Variants in SLC25A36 observed in about 807,000 individuals in gnomAD.
SLC25A36 encodes the protein solute carrier family 25 member 36, also known as epididymis secretory sperm binding protein.
In SLC25A36, 24 loss-of-function variants were observed where a neutral mutation model predicts 35.3. That is an observed-to-expected ratio of 0.68 (90% CI 0.49 to 0.96). The LOEUF (loss-of-function observed/expected upper bound fraction) is 0.96, where lower values mean the gene tolerates loss of function less well. SLC25A36 is among the 40% of genes least tolerant of loss of function. SLC25A36 has a pLI of 0.00. For missense variants in SLC25A36, 294 were observed against 381.1 expected (o/e 0.77, Z 1.90); for synonymous variants, 141 against 132.2 (o/e 1.07, Z -0.46).
At chr3:140,951,667 G>A (rs570486480) in intron 1 of SLC25A36, among the ~76,000 whole-genome samples, 38 of 151,728 alleles carry the variant, frequency 2.5e-4, no homozygotes, top group African/African-American at 9.2e-4. Context: ...GTGTGTGTGT[G>A]TATTTTCAGT....
chr3:140,946,450 C>T (rs1429943632), intron 1 of SLC25A36, among the ~76,000 whole-genome samples: 1 of 152,044 alleles, frequency 6.6e-6, no homozygotes, highest in Non-Finnish European at 1.5e-5. Flanking sequence ...TTTTTAAAGG[C>T]TAATTGGTCT....
At chr3:140,949,001 A>T (rs1934242687) in intron 1 of SLC25A36, among the ~76,000 whole-genome samples, 1 of 152,224 alleles carries the variant, frequency 6.6e-6, no homozygotes, top group African/African-American at 2.4e-5. Flanking sequence ...TTCAATAACT[A>T]GTGTGGGAGA....
At chr3:140,953,536 GT>G (rs1460219731) in intron 1 of SLC25A36, among the ~76,000 whole-genome samples, 1 of 152,014 alleles carries the variant, frequency 6.6e-6, no homozygotes, top group Non-Finnish European at 1.5e-5. Flanking sequence ...ATTCTTACTG[GT>G]TTTCACATAT....
At chr3:140,964,289 T>G (rs536231073) in intron 4 of SLC25A36, 1 of 152,096 alleles carries the variant, frequency 6.6e-6, no homozygotes, top group East Asian at 1.9e-4. Flanking sequence ...TTTGTATTTA[T>G]TAATTGTCAG....
intron 1 of SLC25A36, among the ~76,000 whole-genome samples, chr3:140,949,770 C>T (rs762274424): frequency 5.9e-5 from 9 of 152,212 alleles, no homozygotes; most frequent in Non-Finnish European, 1.3e-4. Context: ...AATTCTTTGC[C>T]AATCAAGAAA....
chr3:140,964,760 C>T (rs1440268686), intron 4 of SLC25A36: 1 of 151,796 alleles, frequency 6.6e-6, no homozygotes, highest in Non-Finnish European at 1.5e-5. Context: ...GATGAGCAGT[C>T]ATTTTATATT....
In SLC25A36 at chr3:140,941,873, G is replaced by A. The variant is rs1169202829; in HGVS notation, c.-182G>A. 3 of 503,526 alleles carry A rather than the reference G, an allele frequency of 6.0e-6. No homozygotes were observed. Among genetic ancestry groups the A allele is most frequent in the Admixed American group, 4.1e-5 (1 of 24,348 alleles). 31.2% of individuals were successfully genotyped at this position (503,526 alleles called of 1,614,324 possible). ...AGGGCGGCGCGCTTAGGCAGGCGGTGGCGCGGCTGGAGTGCCGCGGGGAGG... is the reference window on the plus strand; with the variant it reads ...AGGGCGGCGCGCTTAGGCAGGCGGTAGCGCGGCTGGAGTGCCGCGGGGAGG... On this transcript the variant is annotated 5_prime_UTR_variant, in exon 1 of 7. Transcript: ENST00000324194.
chr3:140,962,599 A>G (rs549152040), intron 3 of SLC25A36, among the ~76,000 whole-genome samples: 3 of 152,248 alleles, frequency 2.0e-5, no homozygotes, highest in South Asian at 4.1e-4. Context: ...ATTGTTTAGC[A>G]TATACTTTAA....
chr3:140,941,883 G>A lies in SLC25A36; in HGVS notation c.-172G>A. The stretch of plus-strand genomic sequence containing the variant: ...GCTTAGGCAGGCGGTGGCGCGGCTG[G>A]AGTGCCGCGGGGAGGGCTGTGCCGG... On this transcript the variant is annotated 5_prime_UTR_variant, in exon 1 of 7. Coordinates refer to ENST00000324194, the MANE Select transcript of SLC25A36 (RefSeq NM_001104647.3). 1 of 509,330 alleles carries A rather than the reference G, an allele frequency of 2.0e-6. No individual in the cohort carries two copies. Among genetic ancestry groups the A allele is most frequent in the Non-Finnish European group, 3.5e-6 (1 of 284,358 alleles). The allele number at this position is 509,330 out of a possible 1,614,324, so 31.6% of individuals were successfully genotyped here.
intron 4 of SLC25A36, chr3:140,968,436 G>A: frequency 2.0e-6 from 2 of 982,144 alleles, no homozygotes; most frequent in Non-Finnish European, 2.4e-6. Context: ...ATTACGTAGG[G>A]ATAAGATAAC....
At chr3:140,945,755 A>AT (rs59188608) in intron 1 of SLC25A36, among the ~76,000 whole-genome samples, 1 of 151,492 alleles carries the variant, frequency 6.6e-6, no homozygotes, top group Non-Finnish European at 1.5e-5. Context: ...AAAAAAAAAA[A>AT]GCCAGTTTAA....
intron 6 of SLC25A36, among the ~76,000 whole-genome samples, chr3:140,974,241 TACTC>T (rs777056438): frequency 6.6e-5 from 10 of 152,090 alleles, no homozygotes; most frequent in Non-Finnish European, 1.3e-4. Flanking sequence ...ATTCCAGCCT[TACTC>T]ACTTCAGCTT....
At chr3:140,942,155 CGAGGGGGGCGAGGGGGGCCGAGGGGG>C in intron 1 of SLC25A36, 60 bp downstream of exon 1, 1 of 141,092 alleles carries the variant, frequency 7.1e-6, no homozygotes, top group Non-Finnish European at 1.2e-5. Flanking sequence ...AAGACGCAGG[CGAGGGGGGCGAGGGGGGCCGAGGGGG>C]GTGGGGGGGT....
intron 1 of SLC25A36, among the ~76,000 whole-genome samples, chr3:140,946,506 A>T (rs7644725): frequency 0.27 from 40,509 of 152,144 alleles, 8,941 homozygotes; most frequent in African/African-American, 0.61. Flanking sequence ...GGAGTTGATC[A>T]GGCTATTTCA....
At chr3:140,947,802 A>G (rs1267446741) in intron 1 of SLC25A36, among the ~76,000 whole-genome samples, 2 of 152,246 alleles carry the variant, frequency 1.3e-5, no homozygotes, top group African/African-American at 2.4e-5. Context: ...ATAGATGTCC[A>G]TCACCATTTC....
intron 2 of SLC25A36, chr3:140,956,937 A>C: frequency 2.0e-6 from 1 of 512,532 alleles, no homozygotes; most frequent in Non-Finnish European, 2.8e-6. Flanking sequence ...TATCCAGTGG[A>C]GTTTTTTCTA....
At position 140,978,936 on chromosome 3, in the gene SLC25A36, T is replaced by A. The variant is rs1485412116; in HGVS notation, c.*2483T>A. ...ACATATTCAGAGCATTGGACTTTTT[T>A]AACTTGTTTTCATCTGTTTATCATG... On this transcript the variant is annotated 3_prime_UTR_variant, in exon 7 of 7. Transcript: ENST00000324194. The A allele has an allele frequency of 1.3e-5, 2 of 152,244 alleles. No individual in the cohort carries two copies. Among genetic ancestry groups the A allele is most frequent in the Admixed American group, 1.3e-4 (2 of 15,280 alleles). 9.4% of individuals were successfully genotyped at this position (152,244 alleles called of 1,614,324 possible).
chr3:140,955,459 A>C (rs1934455423), intron 1 of SLC25A36, among the ~76,000 whole-genome samples: 1 of 152,168 alleles, frequency 6.6e-6, no homozygotes, highest in South Asian at 2.1e-4. Flanking sequence ...GGTAGTTATT[A>C]ATGTTTTAAG....
chr3:140,971,141 A>C (rs973608247), intron 5 of SLC25A36, 148 bp downstream of exon 5: 3 of 539,448 alleles, frequency 5.6e-6, no homozygotes, highest in Non-Finnish European at 6.8e-6. Context: ...AAGATAATGT[A>C]AGAGTTGACA....
Sources: gnomAD v4.1 joint callset for allele counts (sites outside exome capture counted in the v4.1 genomes callset) on GRCh38, gnomAD v4.1.1 for gene constraint, MANE v1.5 for transcripts, NCBI Gene and HGNC (gene_info 2026-07-23, HGNC 2026-07-21) for gene names.